PDZRN4: variants seen among roughly 807,000 people sequenced by gnomAD.
PDZRN4 encodes the protein PDZ domain-containing RING finger protein 4.
Under a neutral mutation model 99.0 loss-of-function variants are expected in PDZRN4, and 70 were observed. The ratio of observed to expected loss-of-function variants is 0.71; its 90% CI spans 0.58 to 0.86. The LOEUF is 0.86. Among genes scored for constraint, PDZRN4 ranks in the 40% least tolerant of loss-of-function variants. The probability of loss-of-function intolerance (pLI) is 0.00; values close to 1 mark genes in which losing one functional copy is unlikely to be tolerated. For missense variants in PDZRN4, 1,474 were observed against 1,331.2 expected, an observed-to-expected ratio of 1.11 and a Z score of -1.67; for synonymous variants, 551 against 501.6, an observed-to-expected ratio of 1.10 and a Z score of -1.32.
chr12:41,510,406 C>A (rs1358320438), intron 5 of PDZRN4, among the ~76,000 whole-genome samples: 3 of 152,070 alleles, frequency 2.0e-5, no homozygotes, highest in Non-Finnish European at 4.4e-5. Context: ...TGGCCTCATG[C>A]CCTTTGTTGT....
chr12:41,336,529 T>C lies in PDZRN4; in HGVS notation c.843+142341T>C, dbSNP rs1389460446. 2.0e-5 allele frequency among the ~76,000 whole-genome samples: 3 copies of C among 152,094 alleles called. No homozygotes were observed. In the East Asian group the frequency reaches 5.8e-4, roughly 29 times the overall value. ...TCAGAACATCAACTTTCTCTGTACA[T>C]GCAATGTCATAACCACCTAGTGGGT... On this transcript the variant is annotated intron_variant, in intron 3 of 9. Coordinates refer to ENST00000402685, the MANE Select transcript of PDZRN4 (RefSeq NM_001164595.2).
intron 3 of PDZRN4, among the ~76,000 whole-genome samples, chr12:41,419,699 G>T (rs1337536427): frequency 6.6e-6 from 1 of 152,136 alleles, no homozygotes; most frequent in Non-Finnish European, 1.5e-5. Context: ...GACTACTGCA[G>T]AATTAATGGC....
At chr12:41,337,129 C>T (rs544979219) in intron 3 of PDZRN4, among the ~76,000 whole-genome samples, 2 of 152,172 alleles carry the variant, frequency 1.3e-5, no homozygotes, top group South Asian at 2.1e-4. Flanking sequence ...AACTGAATTC[C>T]TTCCCAAAGT....
intron 3 of PDZRN4, among the ~76,000 whole-genome samples, chr12:41,343,682 C>T: frequency 6.6e-6 from 1 of 151,314 alleles, no homozygotes. Flanking sequence ...AGTAGGGCAA[C>T]CATTGTTATC....
intron 5 of PDZRN4, among the ~76,000 whole-genome samples, chr12:41,535,076 A>G (rs1223311507): frequency 1.3e-5 from 2 of 152,182 alleles, no homozygotes; most frequent in African/African-American, 2.4e-5. Context: ...TCTAATGTTT[A>G]TAAATTCTTC....
chr12:41,239,197 G>C (rs529767760), intron 3 of PDZRN4, among the ~76,000 whole-genome samples: 1 of 152,278 alleles, frequency 6.6e-6, no homozygotes, highest in African/African-American at 2.4e-5. Flanking sequence ...ATTATCCTCA[G>C]CAAACTAACG....
At position 41,486,708 on chromosome 12, in the gene PDZRN4, G is replaced by A. The variant is rs11180953; in HGVS notation, c.844-19748G>A. On this transcript the variant is annotated intron_variant, in intron 3 of 9. Transcript: ENST00000402685. ...AAAATCAGAGTAAGAAAAGGGGGGA[G>A]AGCTTTCTCGGAAAGTTGTGTGTCA... Among the ~76,000 whole-genome samples the A allele has an allele frequency of 7.0e-3, 1,071 of 152,232 alleles. 40 individuals carry two copies. In the East Asian group the frequency reaches 0.13, roughly 18 times the overall value.
intron 3 of PDZRN4, among the ~76,000 whole-genome samples, chr12:41,433,922 A>G (rs1289306994): frequency 6.6e-6 from 1 of 152,180 alleles, no homozygotes; most frequent in Non-Finnish European, 1.5e-5. Flanking sequence ...AGTTTAATGA[A>G]TAGTAATGTG....
intron 3 of PDZRN4, among the ~76,000 whole-genome samples, chr12:41,305,818 A>G (rs183436665): frequency 6.6e-6 from 1 of 152,304 alleles, no homozygotes; most frequent in East Asian, 1.9e-4. Context: ...CCATCTTGAC[A>G]ATGTTAAGAC....
intron 3 of PDZRN4, among the ~76,000 whole-genome samples, chr12:41,326,160 T>TTTTTA (rs1951708460): frequency 1.3e-5 from 2 of 152,126 alleles, no homozygotes; most frequent in Middle Eastern, 3.4e-3. Flanking sequence ...ATTTTTTTTT[T>TTTTTA]AGAGATGGGG....
intron 3 of PDZRN4, among the ~76,000 whole-genome samples, chr12:41,341,924 G>A (rs1306815743): frequency 6.6e-6 from 1 of 151,758 alleles, no homozygotes; most frequent in Non-Finnish European, 1.5e-5. Flanking sequence ...AAATCTGAAG[G>A]TATCACACTA....
intron 3 of PDZRN4, among the ~76,000 whole-genome samples, chr12:41,495,083 T>C (rs180927741): frequency 6.6e-6 from 1 of 152,162 alleles, no homozygotes; most frequent in African/African-American, 2.4e-5. Context: ...TACACAAAGG[T>C]ATAACGATGC....
At chr12:41,344,630 C>T (rs1951839909) in intron 3 of PDZRN4, among the ~76,000 whole-genome samples, 1 of 151,208 alleles carries the variant, frequency 6.6e-6, no homozygotes. Flanking sequence ...AATGTTTTTC[C>T]TAACATAGGA....
intron 4 of PDZRN4, among the ~76,000 whole-genome samples, chr12:41,508,478 G>C (rs975107501): frequency 6.6e-6 from 1 of 152,148 alleles, no homozygotes; most frequent in Non-Finnish European, 1.5e-5. Context: ...TCCAGCACTT[G>C]GCCTTGCATC....
chr12:41,392,236 T>C lies in PDZRN4; in HGVS notation c.844-114220T>C, dbSNP rs56290808. ...TTCCACTGGTGTTCCTCTAGGACAATGATTCTTATGTTTCTTTGATCATGA... is the reference window on the plus strand; with the variant it reads ...TTCCACTGGTGTTCCTCTAGGACAACGATTCTTATGTTTCTTTGATCATGA... On this transcript the variant is annotated intron_variant, in intron 3 of 9. Transcript: ENST00000402685. 3.9e-3 allele frequency among the ~76,000 whole-genome samples: 590 copies of C among 152,232 alleles called. 1 individual carries two copies. The highest frequency in any genetic ancestry group is 0.014 in the African/African-American group (570 of 41,546).
At chr12:41,404,000 T>C (rs1314097780) in intron 3 of PDZRN4, among the ~76,000 whole-genome samples, 1 of 152,160 alleles carries the variant, frequency 6.6e-6, no homozygotes, top group Non-Finnish European at 1.5e-5. Flanking sequence ...AACGTGCTGA[T>C]GCTGAAGTTC....
intron 3 of PDZRN4, among the ~76,000 whole-genome samples, chr12:41,280,904 G>T (rs1001753823): frequency 6.6e-6 from 1 of 152,138 alleles, no homozygotes; most frequent in Non-Finnish European, 1.5e-5. Flanking sequence ...CCTGACCCCC[G>T]TGCCTCCTGA....
intron 8 of PDZRN4, among the ~76,000 whole-genome samples, chr12:41,566,835 GT>G (rs1939380438): frequency 6.6e-6 from 1 of 152,118 alleles, no homozygotes; most frequent in Admixed American, 6.6e-5. Flanking sequence ...GTGATGCAGA[GT>G]TTTGACGATA....
At chr12:41,523,174 T>C (rs1592096422) in intron 5 of PDZRN4, among the ~76,000 whole-genome samples, 1 of 152,088 alleles carries the variant, frequency 6.6e-6, no homozygotes, top group Non-Finnish European at 1.5e-5. Flanking sequence ...TGTGATAATA[T>C]ATGAGAACGT....
Sources: gnomAD v4.1 joint callset for allele counts (sites outside exome capture counted in the v4.1 genomes callset) on GRCh38, gnomAD v4.1.1 for gene constraint, MANE v1.5 for transcripts, NCBI Gene and HGNC (gene_info 2026-07-23, HGNC 2026-07-21) for gene names.